Variants in SYTL2 observed in about 807,000 individuals in gnomAD.
SYTL2 encodes synaptotagmin like 2.
In SYTL2, 165 loss-of-function variants were observed where a neutral mutation model predicts 198.7. The ratio of observed to expected loss-of-function variants is 0.83; its 90% CI spans 0.73 to 0.94. The LOEUF is 0.94. Among genes scored for constraint, SYTL2 ranks in the 40% least tolerant of loss-of-function variants. The pLI is 0.00. For missense variants in SYTL2, 2,835 were observed against 2,582.8 expected (o/e 1.10, Z -2.12); for synonymous variants, 966 against 917.7 (o/e 1.05, Z -0.95).
At chr11:85,826,434 A>G in the SYTL2 span, among the ~76,000 whole-genome samples, 12 of 152,354 alleles carry the variant, frequency 7.9e-5, no homozygotes, top group Non-Finnish European at 1.6e-4. Context: ...CTGTGCAGAG[A>G]CAGTCTGCAG....
At chr11:85,712,156 T>G (rs2086412599) in intron 12 of SYTL2, among the ~76,000 whole-genome samples, 1 of 152,192 alleles carries the variant, frequency 6.6e-6, no homozygotes, top group African/African-American at 2.4e-5. Context: ...CATGCAATTA[T>G]GCATCAATAT....
rs1253524824 is a variant in SYTL2 at position 85,726,267 on chromosome 11, T to C, written c.3091A>G (p.Lys1031Glu). 1.9e-6 allele frequency: 3 copies of C among 1,613,824 alleles called. No individual in the cohort carries two copies. Among genetic ancestry groups the C allele is most frequent in the Non-Finnish European group, 2.5e-6 (3 of 1,179,982 alleles). The change falls in exon 8 of 20, where the codon AAA becomes GAA. Residue 1031 changes from lysine (K) to glutamate (E), a missense_variant. This residue lies in a region of SYTL2 where 2,645 missense variants were observed against 2,381.7 expected (regional missense o/e 1.11). Coordinates refer to ENST00000359152, the MANE Select transcript of SYTL2 (RefSeq NM_206927.4). ...AGCACCTCTGCTTCATGGGTATTTT[T>C]ACCTGATAATTTAATGTCGCTGAAT... The part of the protein sequence containing the change: ...KEFSDIKLSG[K>E]NTHEAEVLLS...
chr11:85,801,838 T>TC (rs1322614222), intron 1 of SYTL2, among the ~76,000 whole-genome samples: 1 of 151,216 alleles, frequency 6.6e-6, no homozygotes, highest in Non-Finnish European at 1.5e-5. Context: ...TTTTTTTTTT[T>TC]CAGATGGAGT....
chr11:85,841,407 A>G, the SYTL2 span, among the ~76,000 whole-genome samples: 1 of 152,236 alleles, frequency 6.6e-6, no homozygotes, highest in Non-Finnish European at 1.5e-5. Flanking sequence ...TGGCAAAGAC[A>G]TGGAATCAAC....
chr11:85,814,067 C>T (rs1222580640), upstream of SYTL2, among the ~76,000 whole-genome samples: 3 of 152,178 alleles, frequency 2.0e-5, no homozygotes, highest in Non-Finnish European at 4.4e-5. Context: ...GTCATATTAC[C>T]TGCCCCATGC....
At chr11:85,775,444 T>C (rs950364822) in intron 1 of SYTL2, among the ~76,000 whole-genome samples, 1 of 152,248 alleles carries the variant, frequency 6.6e-6, no homozygotes, top group East Asian at 1.9e-4. Context: ...GGGAGGTAGG[T>C]AGAGCGGATA....
chr11:85,721,027 AC>A, intron 8 of SYTL2, 68 bp from the exon 9 acceptor site: 1 of 912,008 alleles, frequency 1.1e-6, no homozygotes, highest in Non-Finnish European at 1.7e-6. Flanking sequence ...TAACATATGG[AC>A]ATAGAAATGG....
At chr11:85,718,237 G>C (rs1222713913) in intron 10 of SYTL2, 1 of 163,690 alleles carries the variant, frequency 6.1e-6, no homozygotes, top group Non-Finnish European at 1.3e-5. Context: ...AGTAATACCT[G>C]ATCCACTGAC....
chr11:85,774,140 T>G (rs901923565), intron 1 of SYTL2, among the ~76,000 whole-genome samples: 1 of 152,196 alleles, frequency 6.6e-6, no homozygotes, highest in African/African-American at 2.4e-5. Flanking sequence ...TGTGCATATA[T>G]TATAGAAAAT....
intron 2 of SYTL2, among the ~76,000 whole-genome samples, chr11:85,753,184 A>T (rs2091648648): frequency 6.6e-6 from 1 of 152,098 alleles, no homozygotes; most frequent in South Asian, 2.1e-4. Context: ...ACCATAAAAG[A>T]CTAAAATTAC....
At chr11:85,816,162 C>T in the SYTL2 span, among the ~76,000 whole-genome samples, 1 of 151,942 alleles carries the variant, frequency 6.6e-6, no homozygotes, top group Non-Finnish European at 1.5e-5. Context: ...GAGACTCCTT[C>T]TCAATAAATT....
the SYTL2 span, among the ~76,000 whole-genome samples, chr11:85,849,370 C>G: frequency 6.6e-6 from 1 of 152,158 alleles, no homozygotes; most frequent in Non-Finnish European, 1.5e-5. Context: ...TTGCCCATGC[C>G]TGTGTCCTGA....
intron 11 of SYTL2, chr11:85,714,760 T>C: frequency 1.0e-6 from 1 of 984,264 alleles, no homozygotes; most frequent in Non-Finnish European, 1.3e-6. Flanking sequence ...TTAGTTTTTA[T>C]TGAACTGGAG....
intron 2 of SYTL2, among the ~76,000 whole-genome samples, chr11:85,755,674 G>C (rs1184493599): frequency 6.6e-6 from 1 of 152,154 alleles, no homozygotes; most frequent in Admixed American, 6.6e-5. Context: ...ATCAACCAAT[G>C]CAAGTGCCCA....
At chr11:85,789,352 A>ATATATATATATATATATATATG in intron 1 of SYTL2, among the ~76,000 whole-genome samples, 1 of 36,992 alleles carries the variant, frequency 2.7e-5, no homozygotes, top group South Asian at 1.1e-3. Context: ...ATATATATAT[A>ATATATATATATATATATATATG]TATATATATA....
chr11:85,853,518 C>T, the SYTL2 span: 1 of 251,654 alleles, frequency 4.0e-6, no homozygotes, highest in Non-Finnish European at 7.9e-6. Flanking sequence ...GGGACACAAA[C>T]ACTGCGGAAG....
chr11:85,790,480 T>G (rs984486282), intron 1 of SYTL2, among the ~76,000 whole-genome samples: 1 of 152,218 alleles, frequency 6.6e-6, no homozygotes, highest in Non-Finnish European at 1.5e-5. Flanking sequence ...TGGATTTGTC[T>G]TTAGGTTCCC....
At chr11:85,744,895 T>C (rs949285215) in intron 4 of SYTL2, among the ~76,000 whole-genome samples, 2 of 152,190 alleles carry the variant, frequency 1.3e-5, no homozygotes, top group East Asian at 1.9e-4. Context: ...AAAAGGTTTA[T>C]AGCAATGTAG....
the SYTL2 span, among the ~76,000 whole-genome samples, chr11:85,851,227 T>G: frequency 0.16 from 23,705 of 152,038 alleles, 2,034 homozygotes; most frequent in Middle Eastern, 0.2. Context: ...TTGCAAAACA[T>G]CTATTTAATT....
Sources: allele counts gnomAD v4.1 joint callset (sites outside exome capture counted in the v4.1 genomes callset), GRCh38; gene constraint gnomAD v4.1.1; regional missense constraint gnomAD v4.1.1; transcripts MANE v1.5; gene names NCBI Gene and HGNC (gene_info 2026-07-23, HGNC 2026-07-21).